The following CCDC74A variants were observed in gnomAD, a reference collection of about 807,000 sequenced individuals.
The protein encoded by CCDC74A is coiled-coil domain containing 74A.
Under a neutral mutation model 37.6 loss-of-function variants are expected in CCDC74A, and 38 were observed. The observed-to-expected ratio is 1.01, with a 90% CI of 0.78 to 1.33. The LOEUF (loss-of-function observed/expected upper bound fraction) is 1.33, where lower values mean the gene tolerates loss of function less well. CCDC74A is among the 40% of genes most tolerant of loss of function. The pLI is 0.00. For missense variants in CCDC74A, 340 were observed against 403.4 expected, an observed-to-expected ratio of 0.84 and a Z score of 1.35; for synonymous variants, 134 against 165.2, an observed-to-expected ratio of 0.81 and a Z score of 1.45.
intron 2 of CCDC74A, chr2:131,530,087 T>G (rs1338380733): frequency 5.8e-6 from 9 of 1,550,352 alleles, no homozygotes; most frequent in Non-Finnish European, 7.8e-6. Context: ...CCTCACATGC[T>G]GGGGGCCCAG....
upstream of CCDC74A, among the ~76,000 whole-genome samples, chr2:131,525,414 G>C (rs113866884): frequency 2.6e-5 from 4 of 152,256 alleles, no homozygotes; most frequent in African/African-American, 9.6e-5. Context: ...GACAGGGTCT[G>C]GCTATATTGC....
At chr2:131,526,482 A>G (rs952110944), upstream of CCDC74A, among the ~76,000 whole-genome samples, 7 of 152,156 alleles carry the variant, frequency 4.6e-5, no homozygotes, top group Non-Finnish European at 1.0e-4. Flanking sequence ...TAGAATGTCT[A>G]CTTCTCTGTT....
chr2:131,530,766 C>G lies in CCDC74A; in HGVS notation c.296-11C>G, dbSNP rs778258814. 4.3e-6 allele frequency: 7 copies of G among 1,612,734 alleles called. No individual in the cohort carries two copies. In the South Asian group the frequency reaches 7.7e-5, roughly 18 times the overall value. Reference sequence around the variant, plus strand: ...CGGGCGGTAGCGCCGACACTGTGCGCTCTCCTGCAGACAGCCTCTCCATGT... The same window carrying G: ...CGGGCGGTAGCGCCGACACTGTGCGGTCTCCTGCAGACAGCCTCTCCATGT... On this transcript the variant is annotated splice_polypyrimidine_tract_variant and intron_variant, in intron 2 of 7. Coordinates refer to ENST00000409856, the MANE Select transcript of CCDC74A (RefSeq NM_001258306.3).
intron 7 of CCDC74A, 81 bp from the exon 8 acceptor site, chr2:131,533,188 C>T (rs539205556): frequency 2.5e-5 from 40 of 1,607,350 alleles, no homozygotes; most frequent in South Asian, 1.3e-4. Flanking sequence ...TCTGTGCCCC[C>T]GTGAGGGCCA....
At chr2:131,522,743 C>G (rs1334254170), upstream of CCDC74A, among the ~76,000 whole-genome samples, 1 of 152,130 alleles carries the variant, frequency 6.6e-6, no homozygotes, top group Non-Finnish European at 1.5e-5. Context: ...CCCCGTGATC[C>G]GAGGTAAGTC....
chr2:131,528,056 T>C lies in CCDC74A; in HGVS notation c.86T>C (p.Val29Ala). The change falls in exon 1 of 8, where the codon GTG becomes GCG. Residue 29 changes from valine (V) to alanine (A), a missense_variant. Transcript: ENST00000409856. ...GSRRRRQRPS[V>A]GVQSLRPQSP... ...CGGCGCCGGCGCCAGCGCCCCTCTG[T>C]GGGCGTCCAGTCCTTGAGGCCGCAG... The C allele has an allele frequency of 3.2e-6, 5 of 1,565,860 alleles. No individual in the cohort carries two copies. The highest frequency in any genetic ancestry group is 4.3e-6 in the Non-Finnish European group (5 of 1,163,916).
Position 131,531,795 on chromosome 2 carries a change from C to T in CCDC74A, c.478C>T (p.Gln160Ter), listed in dbSNP as rs772262183. The change falls in exon 4 of 8, where the codon CAG (glutamine) becomes TAG (stop). Residue 160 changes from glutamine to a stop codon, truncating the protein, a stop_gained. Coordinates refer to ENST00000409856, the MANE Select transcript of CCDC74A (RefSeq NM_001258306.3). LOFTEE classifies it high-confidence loss of function. Reference sequence around the variant, plus strand: ...GGACAAAGTTCCTGGGGTACAAGGGCAGGCCAGGTAAGGCTTGGGTGTTCC... The same window carrying T: ...GGACAAAGTTCCTGGGGTACAAGGGTAGGCCAGGTAAGGCTTGGGTGTTCC... ...KLDKVPGVQG[Q>*]ARKEKAEASN... 6.0e-6 allele frequency: 9 copies of T among 1,509,186 alleles called. No individual in the cohort carries two copies. The Middle Eastern group carries it at 5.4e-4, about 90-fold the overall frequency. The allele number at this position is 1,509,186 out of a possible 1,614,324, so 93.5% of individuals were successfully genotyped here. A position where few individuals can be genotyped will look rare whatever the true frequency, so the allele number is the denominator to read the frequency against.
intron 2 of CCDC74A, chr2:131,530,395 G>T (rs796831874): frequency 2.1e-5 from 32 of 1,549,188 alleles, no homozygotes; most frequent in African/African-American, 1.2e-4. Flanking sequence ...CATGGAGAAG[G>T]GGGTTGAGGG....
intron 2 of CCDC74A, 86 bp downstream of exon 2, chr2:131,529,777 A>C: frequency 1.3e-6 from 2 of 1,573,364 alleles, no homozygotes; most frequent in South Asian, 2.4e-5. Flanking sequence ...ACCTGGCTGC[A>C]CTGGCCCCTG....
At chr2:131,525,278 GTC>G (rs1165462874), upstream of CCDC74A, among the ~76,000 whole-genome samples, 2 of 151,656 alleles carry the variant, frequency 1.3e-5, no homozygotes, top group Non-Finnish European at 2.9e-5. Flanking sequence ...TTGAAACAAG[GTC>G]TCTCTGTGTT....
In CCDC74A at chr2:131,532,926, T is replaced by C; in HGVS notation, c.741T>C (p.Ala247=). 6.2e-7 allele frequency: 1 copy of C among 1,613,688 alleles called. No individual in the cohort carries two copies. The part of the protein sequence containing the change: ...SQRPQAAPEE[A]SFPRDQEATH... ...GGCCCCAGGCAGCCCCGGAGGAAGC[T>C]AGCTTTCCCAGGTGAGTGCCTGGTG... The change falls in exon 6 of 8, where the codon GCT becomes GCC. Residue 247 remains alanine, a synonymous_variant. Transcript: ENST00000409856.
At chr2:131,528,645 C>T in intron 1 of CCDC74A, 2 of 603,280 alleles carry the variant, frequency 3.3e-6, no homozygotes, top group Non-Finnish European at 5.9e-6. Context: ...CTCGTCTCTA[C>T]TAAAAATACA....
intron 1 of CCDC74A, 164 bp downstream of exon 1, chr2:131,528,384 C>G: frequency 1.3e-6 from 2 of 1,550,120 alleles, no homozygotes; most frequent in Non-Finnish European, 1.7e-6. Context: ...TCCCCTCCTC[C>G]CAGAGGGAGA....
chr2:131,530,113 T>C lies in CCDC74A; in HGVS notation c.295+422T>C, dbSNP rs756864674. 9.0e-5 allele frequency: 140 copies of C among 1,550,090 alleles called. 1 individual carries two copies. The highest frequency in any genetic ancestry group is 8.3e-5 in the Non-Finnish European group (95 of 1,146,792). On this transcript the variant is annotated intron_variant, in intron 2 of 7. Transcript: ENST00000409856. Reference sequence around the variant, plus strand: ...GGGGGCCCAGGGGCTCTGGACACACTCCATCCAGGGATCCCTTCCTGCCAT... The same window carrying C: ...GGGGGCCCAGGGGCTCTGGACACACCCCATCCAGGGATCCCTTCCTGCCAT...
At position 131,533,659 on chromosome 2, in the gene CCDC74A, A is replaced by ATT; in HGVS notation, c.*263_*264dup. The stretch of plus-strand genomic sequence containing the variant: ...TTGAAACTGAAAATAAAGCTTGTTT[A>ATT]TTTCCAAGTTGTGTGCCTGGCTCCT... On this transcript the variant is annotated 3_prime_UTR_variant, in exon 8 of 8. Transcript: ENST00000409856. 1 of 497,538 alleles carries ATT rather than the reference A, an allele frequency of 2.0e-6. No individual in the cohort carries two copies. Among genetic ancestry groups the ATT allele is most frequent in the East Asian group, 3.7e-5 (1 of 27,326 alleles). The allele number at this position is 497,538 out of a possible 1,614,324, so 30.8% of individuals were successfully genotyped here.
At chr2:131,532,978 A>G (rs1299280681) in intron 6 of CCDC74A, 35 bp from the exon 7 acceptor site, 5 of 1,613,944 alleles carry the variant, frequency 3.1e-6, no homozygotes, top group Non-Finnish European at 4.2e-6. Flanking sequence ...CTGGGGTCCT[A>G]TCCACAGCTC....
At chr2:131,525,880 G>A (rs1680288924), upstream of CCDC74A, among the ~76,000 whole-genome samples, 2 of 151,608 alleles carry the variant, frequency 1.3e-5, no homozygotes, top group Non-Finnish European at 1.5e-5. Flanking sequence ...CACCATGCCC[G>A]GCTAATTTTT....
At chr2:131,528,470 C>T in intron 1 of CCDC74A, 1 of 1,538,008 alleles carries the variant, frequency 6.5e-7, no homozygotes, top group Non-Finnish European at 8.8e-7. Flanking sequence ...GCTGACTCCG[C>T]CAATCCTCTC....
At chr2:131,528,755 G>T (rs1033342127) in intron 1 of CCDC74A, 5 of 361,630 alleles carry the variant, frequency 1.4e-5, no homozygotes, top group Middle Eastern at 9.7e-4. Flanking sequence ...AGCTTGCAGT[G>T]AGCCGAGATC....
Sources: allele counts gnomAD v4.1 joint callset (sites outside exome capture counted in the v4.1 genomes callset), GRCh38; gene constraint gnomAD v4.1.1; transcripts MANE v1.5; gene names NCBI Gene and HGNC (gene_info 2026-07-23, HGNC 2026-07-21).